STPG2: variants seen among roughly 807,000 people sequenced by gnomAD.
STPG2 encodes the protein sperm-tail PG-rich repeat-containing protein 2.
In STPG2, 56 loss-of-function variants were observed where a neutral mutation model predicts 54.2. The ratio of observed to expected loss-of-function variants is 1.03; its 90% CI spans 0.83 to 1.29. The LOEUF is 1.29. STPG2 is among the 50% of genes most tolerant of loss of function. STPG2 has a pLI of 0.00. For synonymous variants in STPG2, 200 were observed against 181.8 expected, an observed-to-expected ratio of 1.10 and a Z score of -0.81; for missense variants, 596 against 544.9, an observed-to-expected ratio of 1.09 and a Z score of -0.93.
At chr4:98,005,654 G>A (rs964443742) in intron 5 of STPG2, among the ~76,000 whole-genome samples, 6 of 151,810 alleles carry the variant, frequency 4.0e-5, no homozygotes, top group African/African-American at 1.5e-4. Context: ...CTTTATTCTT[G>A]TAATGTGATA....
intron 8 of STPG2, among the ~76,000 whole-genome samples, chr4:97,904,356 G>A (rs1282038522): frequency 6.6e-6 from 1 of 152,180 alleles, no homozygotes; most frequent in Non-Finnish European, 1.5e-5. Flanking sequence ...ACCTCACACG[G>A]CTGGCCAGGT....
intron 5 of STPG2, among the ~76,000 whole-genome samples, chr4:98,012,608 T>C (rs1735794319): frequency 6.6e-6 from 1 of 152,210 alleles, no homozygotes; most frequent in Admixed American, 6.5e-5. Flanking sequence ...CATTTGTTTG[T>C]GTCCTCTCTT....
At chr4:97,720,801 T>G (rs11728887) in intron 9 of STPG2, among the ~76,000 whole-genome samples, 68,158 of 151,794 alleles carry the variant, frequency 0.45, 16,818 homozygotes, top group South Asian at 0.62. Context: ...ATTACCACAC[T>G]GCTAGTTGTC....
At chr4:97,565,222 A>G (rs373995944) in intron 10 of STPG2, among the ~76,000 whole-genome samples, 1 of 152,070 alleles carries the variant, frequency 6.6e-6, no homozygotes, top group Non-Finnish European at 1.5e-5. Flanking sequence ...CCAGTTGATC[A>G]CATCAGCTCC....
At chr4:97,669,371 G>A (rs1467900802) in intron 10 of STPG2, among the ~76,000 whole-genome samples, 1 of 152,152 alleles carries the variant, frequency 6.6e-6, no homozygotes. Flanking sequence ...ACACAATCTT[G>A]CAGAATCAAA....
intron 8 of STPG2, among the ~76,000 whole-genome samples, chr4:97,911,114 G>A (rs1731662312): frequency 6.6e-6 from 1 of 152,204 alleles, no homozygotes. Context: ...CCCTGCCTGG[G>A]AAACCAGGCT....
intron 4 of STPG2, among the ~76,000 whole-genome samples, chr4:97,492,180 G>A (rs1730516857): frequency 6.6e-6 from 1 of 151,326 alleles, no homozygotes; most frequent in Non-Finnish European, 1.5e-5. Context: ...TGGTGCCAAA[G>A]GGAAGAGAAC....
At chr4:97,706,351 A>G (rs1723941030) in intron 10 of STPG2, among the ~76,000 whole-genome samples, 1 of 152,154 alleles carries the variant, frequency 6.6e-6, no homozygotes, top group Non-Finnish European at 1.5e-5. Flanking sequence ...ATAGTATTAG[A>G]AAGTTGGCAT....
chr4:97,586,531 A>C (rs1386251750), intron 10 of STPG2, among the ~76,000 whole-genome samples: 1 of 151,990 alleles, frequency 6.6e-6, no homozygotes, highest in East Asian at 1.9e-4. Context: ...AATCTTAATC[A>C]AACTTTTGAA....
intron 2 of STPG2, among the ~76,000 whole-genome samples, chr4:98,130,052 G>T (rs1739941437): frequency 6.6e-6 from 1 of 151,754 alleles, no homozygotes; most frequent in African/African-American, 2.4e-5. Flanking sequence ...TAGAGATGGG[G>T]TTTCACCATG....
At chr4:97,509,973 G>A (rs4699568) in intron 4 of STPG2, among the ~76,000 whole-genome samples, 64,923 of 151,668 alleles carry the variant, frequency 0.43, 15,999 homozygotes, top group Non-Finnish European at 0.55. Flanking sequence ...CCCCTAATCC[G>A]TGGAAAAATT....
At chr4:97,991,586 G>A (rs879306974) in intron 5 of STPG2, among the ~76,000 whole-genome samples, 17 of 151,496 alleles carry the variant, frequency 1.1e-4, no homozygotes, top group Non-Finnish European at 1.8e-4. Context: ...TATCTTTTTC[G>A]TACAATGACT....
chr4:97,648,497 G>C (rs946869639), intron 10 of STPG2, among the ~76,000 whole-genome samples: 3 of 152,142 alleles, frequency 2.0e-5, no homozygotes. Context: ...GTGTTTACTT[G>C]AATCGATCTT....
At chr4:97,727,327 T>A (rs1302971315) in intron 9 of STPG2, among the ~76,000 whole-genome samples, 2 of 151,902 alleles carry the variant, frequency 1.3e-5, no homozygotes, top group Non-Finnish European at 2.9e-5. Flanking sequence ...TTAAAATAAA[T>A]CACCTTTTTT....
intron 4 of STPG2, among the ~76,000 whole-genome samples, chr4:97,518,181 A>G (rs1731113450): frequency 6.6e-6 from 1 of 152,114 alleles, no homozygotes; most frequent in Non-Finnish European, 1.5e-5. Flanking sequence ...TTCTATTACA[A>G]TAATTATCAA....
At chr4:97,510,528 C>A (rs915493445) in intron 4 of STPG2, among the ~76,000 whole-genome samples, 2 of 152,014 alleles carry the variant, frequency 1.3e-5, no homozygotes, top group Non-Finnish European at 2.9e-5. Context: ...GTTACTGAAC[C>A]TAAAACTCTA....
At chr4:97,764,905 A>G (rs574823908) in intron 9 of STPG2, among the ~76,000 whole-genome samples, 2 of 152,220 alleles carry the variant, frequency 1.3e-5, no homozygotes, top group East Asian at 3.9e-4. Context: ...GAATCCAGAA[A>G]AAGGGGTGCT....
At chr4:97,914,528 C>T (rs1246422986) in intron 8 of STPG2, among the ~76,000 whole-genome samples, 1 of 152,042 alleles carries the variant, frequency 6.6e-6, no homozygotes, top group Admixed American at 6.6e-5. Flanking sequence ...ATAACCACCA[C>T]ACACCTCCAA....
chr4:97,816,485 A>G (rs1481848994), intron 9 of STPG2, among the ~76,000 whole-genome samples: 1 of 152,210 alleles, frequency 6.6e-6, no homozygotes, highest in African/African-American at 2.4e-5. Context: ...GAGCAAATTT[A>G]CACTCCCACC....
Sources: gnomAD v4.1 joint callset for allele counts (sites outside exome capture counted in the v4.1 genomes callset) on GRCh38, gnomAD v4.1.1 for gene constraint, MANE v1.5 for transcripts, NCBI Gene and HGNC (gene_info 2026-07-23, HGNC 2026-07-21) for gene names.